PTPRN2: variants seen among roughly 807,000 people sequenced by gnomAD.
PTPRN2 encodes the protein receptor-type tyrosine-protein phosphatase N2.
Under a neutral mutation model 118.8 loss-of-function variants are expected in PTPRN2, and 74 were observed. The observed-to-expected ratio is 0.62, with a 90% CI of 0.52 to 0.76. The LOEUF (loss-of-function observed/expected upper bound fraction) is 0.76. Among genes scored for constraint, PTPRN2 ranks in the 30% least tolerant of loss-of-function variants. The pLI is 0.00. For synonymous variants in PTPRN2, 641 were observed against 608.0 expected, an observed-to-expected ratio of 1.05 and a Z score of -0.80; for missense variants, 1,481 against 1,394.4, an observed-to-expected ratio of 1.06 and a Z score of -0.99.
At chr7:158,439,152 A>G (rs1211943288) in intron 2 of PTPRN2, among the ~76,000 whole-genome samples, 1 of 152,180 alleles carries the variant, frequency 6.6e-6, no homozygotes, top group Non-Finnish European at 1.5e-5. Flanking sequence ...GAACCAAAGT[A>G]TGTCTTACAC....
In PTPRN2 at chr7:157,929,507, C is replaced by G. The variant is rs1352762131; in HGVS notation, c.1724-30770G>C. Among the ~76,000 whole-genome samples the G allele has an allele frequency of 6.6e-6, 1 of 152,266 alleles. No individual in the cohort carries two copies. Among genetic ancestry groups the G allele is most frequent in the Non-Finnish European group, 1.5e-5 (1 of 68,012 alleles). ...CCACCCAGCACAGCCTCCGCCGCAG[C>G]CTGGCAGCCCAACAGAGGCTGGTCA... is the stretch of plus-strand genomic sequence containing the variant. On this transcript the variant is annotated intron_variant, in intron 11 of 22. Transcript: ENST00000389418. This position sits in a 1 kb window ranked among gnomAD's most constrained non-coding sequence, Gnocchi z 4.4.
intron 12 of PTPRN2, among the ~76,000 whole-genome samples, chr7:157,819,110 C>T (rs1268642806): frequency 6.6e-6 from 1 of 152,186 alleles, no homozygotes; most frequent in Non-Finnish European, 1.5e-5. Context: ...CCCCCAAACA[C>T]CTGCTGGGCC....
chr7:158,440,896 G>A (rs1816991484), intron 2 of PTPRN2, among the ~76,000 whole-genome samples: 1 of 145,714 alleles, frequency 6.9e-6, no homozygotes, highest in African/African-American at 2.8e-5. Flanking sequence ...GAAGGTGGTG[G>A]TGGTGACGGT....
chr7:157,892,256 T>C (rs1270602328), intron 12 of PTPRN2, among the ~76,000 whole-genome samples: 3 of 152,252 alleles, frequency 2.0e-5, no homozygotes, highest in South Asian at 2.1e-4. Context: ...ACTGAGAAGG[T>C]TGGAGCCATG....
intron 11 of PTPRN2, among the ~76,000 whole-genome samples, chr7:158,077,394 G>A (rs890337356): frequency 4.6e-5 from 7 of 152,170 alleles, no homozygotes; most frequent in African/African-American, 1.2e-4. Flanking sequence ...GAAATGACAC[G>A]GGGCGCCTCT....
At chr7:158,144,651 G>A (rs1308246518) in intron 6 of PTPRN2, among the ~76,000 whole-genome samples, 1 of 152,044 alleles carries the variant, frequency 6.6e-6, no homozygotes, top group Non-Finnish European at 1.5e-5. Flanking sequence ...GGAAGGGGAA[G>A]GAGAAGGGGG....
At chr7:157,699,784 A>T (rs983442385) in intron 12 of PTPRN2, among the ~76,000 whole-genome samples, 1 of 152,190 alleles carries the variant, frequency 6.6e-6, no homozygotes, top group African/African-American at 2.4e-5. Flanking sequence ...GCTGTCACTG[A>T]GACGGAGCAT....
intron 13 of PTPRN2, 138 bp from the exon 14 acceptor site, chr7:157,656,689 G>T: frequency 2.2e-6 from 2 of 913,810 alleles, no homozygotes; most frequent in Non-Finnish European, 3.3e-6. Context: ...TTTACCCCAG[G>T]GCAGGCCAGC....
intron 5 of PTPRN2, among the ~76,000 whole-genome samples, chr7:158,188,011 G>A (rs1421562201): frequency 6.6e-6 from 1 of 152,146 alleles, no homozygotes; most frequent in Non-Finnish European, 1.5e-5. Context: ...TGGGGGCAGT[G>A]GTGGAAGATG....
At chr7:158,130,204 C>T (rs886537681) in intron 9 of PTPRN2, among the ~76,000 whole-genome samples, 4 of 152,334 alleles carry the variant, frequency 2.6e-5, no homozygotes, top group Non-Finnish European at 4.4e-5. Flanking sequence ...CCGAGCACTG[C>T]GAGGCTCGCA....
chr7:158,337,740 C>T (rs1476208155), intron 2 of PTPRN2, among the ~76,000 whole-genome samples: 3 of 146,150 alleles, frequency 2.1e-5, no homozygotes, highest in African/African-American at 5.2e-5. Context: ...CTCACAACCA[C>T]ACTCTCACCA....
intron 3 of PTPRN2, among the ~76,000 whole-genome samples, chr7:158,282,478 C>T (rs1240303087): frequency 1.3e-5 from 2 of 152,236 alleles, no homozygotes; most frequent in Non-Finnish European, 2.9e-5. Flanking sequence ...ATGTCCACAG[C>T]CAGGAAGCCG....
chr7:158,390,902 C>T (rs528153863), intron 2 of PTPRN2, among the ~76,000 whole-genome samples: 30 of 152,292 alleles, frequency 2.0e-4, no homozygotes, highest in South Asian at 6.2e-4. Context: ...CCATCCCCCA[C>T]GGGTGCCGCG....
chr7:157,613,982 A>C (rs1438799799), intron 15 of PTPRN2: 1 of 470,312 alleles, frequency 2.1e-6, no homozygotes, highest in South Asian at 1.6e-5. Flanking sequence ...GTGAGCTCAC[A>C]GGGCTGGCCT....
chr7:157,700,590 G>A (rs1798015251), intron 12 of PTPRN2, among the ~76,000 whole-genome samples: 1 of 152,174 alleles, frequency 6.6e-6, no homozygotes, highest in Admixed American at 6.5e-5. Context: ...GCCTCCTGCA[G>A]TCCTGGGGTC....
rs144028627 is a variant in PTPRN2 at position 157,794,276 on chromosome 7, G to A, written c.1788+104397C>T. 9.5e-3 allele frequency among the ~76,000 whole-genome samples: 1,432 copies of A among 150,796 alleles called. 47 individuals carry two copies. The highest frequency in any genetic ancestry group is 0.033 in the African/African-American group (1,355 of 40,686). Reference sequence around the variant, plus strand: ...CACACCTCCCCTCGTTCTCTGCTCCGACCCGGGCTCACACCTCCCCTCGTT... The same window carrying A: ...CACACCTCCCCTCGTTCTCTGCTCCAACCCGGGCTCACACCTCCCCTCGTT... On this transcript the variant is annotated intron_variant, in intron 12 of 22. Coordinates refer to ENST00000389418, the MANE Select transcript of PTPRN2 (RefSeq NM_002847.5). This position sits in a 1 kb window ranked among gnomAD's most constrained non-coding sequence, Gnocchi z 5.2.
chr7:158,174,833 C>A (rs1824038297), intron 5 of PTPRN2, among the ~76,000 whole-genome samples: 1 of 152,226 alleles, frequency 6.6e-6, no homozygotes, highest in Non-Finnish European at 1.5e-5. Context: ...CGCCCTGCAC[C>A]ATACCCCTCA....
intron 12 of PTPRN2, among the ~76,000 whole-genome samples, chr7:157,887,485 G>A (rs1796527779): frequency 6.2e-5 from 1 of 16,248 alleles, no homozygotes; most frequent in Non-Finnish European, 1.1e-4. Flanking sequence ...ACCTGCTGCT[G>A]CCAGTACCCA....
chr7:157,979,899 C>T (rs1280406474), intron 11 of PTPRN2, among the ~76,000 whole-genome samples: 1 of 152,158 alleles, frequency 6.6e-6, no homozygotes, highest in Non-Finnish European at 1.5e-5. Flanking sequence ...AGCCAGAGCC[C>T]CCGACTGGGC....
Sources: allele counts gnomAD v4.1 joint callset (sites outside exome capture counted in the v4.1 genomes callset), GRCh38; gene constraint gnomAD v4.1.1; non-coding constraint Gnocchi (gnomAD v3.1); transcripts MANE v1.5; gene names NCBI Gene and HGNC (gene_info 2026-07-23, HGNC 2026-07-21).